The following TTC29 variants were observed in gnomAD, a reference collection of about 807,000 sequenced individuals.
The protein encoded by TTC29 is tetratricopeptide repeat domain 29.
TTC29 carries 49 observed loss-of-function variants against 58.1 expected under a neutral mutation model. That is an observed-to-expected ratio of 0.84 (90% CI 0.67 to 1.07). The LOEUF is 1.07. Among genes scored for constraint, TTC29 ranks in the 50% least tolerant of loss-of-function variants. The pLI, the probability that TTC29 is intolerant of heterozygous loss-of-function variation, is 0.00. For missense variants in TTC29, 582 were observed against 555.6 expected (o/e 1.05, Z -0.48); for synonymous variants, 209 against 196.8 (o/e 1.06, Z -0.52).
intron 8 of TTC29, among the ~76,000 whole-genome samples, chr4:146,846,391 A>G (rs1045050743): frequency 1.3e-5 from 2 of 152,204 alleles, no homozygotes; most frequent in South Asian, 2.1e-4. Context: ...CCACGTTACA[A>G]TAGTCCTGGT....
intron 11 of TTC29, among the ~76,000 whole-genome samples, chr4:146,730,974 G>T (rs1744288500): frequency 6.6e-6 from 1 of 152,128 alleles, no homozygotes; most frequent in African/African-American, 2.4e-5. Flanking sequence ...AAAGACAGGA[G>T]AAACCATAGC....
chr4:146,859,005 G>A (rs1240067726), intron 8 of TTC29, among the ~76,000 whole-genome samples: 1 of 152,066 alleles, frequency 6.6e-6, no homozygotes, highest in Non-Finnish European at 1.5e-5. Flanking sequence ...AATGTCTAAC[G>A]ATCAAAGATT....
At chr4:146,904,542 G>A (rs1579953118) in intron 5 of TTC29, among the ~76,000 whole-genome samples, 1 of 152,100 alleles carries the variant, frequency 6.6e-6, no homozygotes, top group African/African-American at 2.4e-5. Flanking sequence ...ATGTCTGTGT[G>A]TTAATAAGTT....
chr4:146,823,131 G>C (rs1311338959), intron 9 of TTC29, among the ~76,000 whole-genome samples: 3 of 152,048 alleles, frequency 2.0e-5, no homozygotes, highest in African/African-American at 4.8e-5. Flanking sequence ...GTGAATTTTT[G>C]TTTTTGTTGC....
At chr4:146,777,304 A>AGAG (rs1052262830) in intron 11 of TTC29, among the ~76,000 whole-genome samples, 8 of 152,214 alleles carry the variant, frequency 5.3e-5, no homozygotes, top group African/African-American at 1.9e-4. Flanking sequence ...CAAAGCACAA[A>AGAG]GAGTTGTATT....
intron 9 of TTC29, among the ~76,000 whole-genome samples, chr4:146,831,012 T>C (rs974157699): frequency 2.0e-5 from 3 of 152,134 alleles, no homozygotes; most frequent in African/African-American, 7.2e-5. Context: ...TGCACAGATA[T>C]TGAAATAATA....
intron 8 of TTC29, among the ~76,000 whole-genome samples, chr4:146,847,724 G>A (rs983578508): frequency 8.5e-5 from 13 of 152,238 alleles, no homozygotes; most frequent in African/African-American, 2.7e-4. Flanking sequence ...AAAATGCTGA[G>A]TGAGCCACGG....
intron 6 of TTC29, among the ~76,000 whole-genome samples, chr4:146,892,879 G>A (rs1579926321): frequency 6.6e-6 from 1 of 151,986 alleles, no homozygotes. Flanking sequence ...AAGCATTCTT[G>A]TACACCAATA....
chr4:146,860,175 A>G (rs1161399993), intron 8 of TTC29, among the ~76,000 whole-genome samples: 2 of 152,158 alleles, frequency 1.3e-5, no homozygotes, highest in African/African-American at 4.8e-5. Flanking sequence ...GGTAAACTAT[A>G]TACAGAAAGC....
At chr4:146,806,239 A>C (rs924369914) in intron 10 of TTC29, among the ~76,000 whole-genome samples, 1 of 152,224 alleles carries the variant, frequency 6.6e-6, no homozygotes, top group Non-Finnish European at 1.5e-5. Flanking sequence ...AGGAAACACT[A>C]AATATGGAAA....
At chr4:146,793,571 T>C (rs371491540) in intron 11 of TTC29, among the ~76,000 whole-genome samples, 2 of 152,262 alleles carry the variant, frequency 1.3e-5, no homozygotes, top group African/African-American at 4.8e-5. Flanking sequence ...AAATAATTTG[T>C]GTGACTCGCT....
chr4:146,847,719 G>T (rs923448681), intron 8 of TTC29, among the ~76,000 whole-genome samples: 1 of 152,222 alleles, frequency 6.6e-6, no homozygotes, highest in Non-Finnish European at 1.5e-5. Flanking sequence ...TGGAGAAAAT[G>T]CTGAGTGAGC....
At position 146,885,009 on chromosome 4, in the gene TTC29, A is replaced by G. The variant is rs186982980; in HGVS notation, c.587-10081T>C. ...TTGTCAAAATCTATTGACAGCAAACAAAGATGTTATTATCTCATACATGAA... is the reference window on the plus strand; with the variant it reads ...TTGTCAAAATCTATTGACAGCAAACGAAGATGTTATTATCTCATACATGAA... On this transcript the variant is annotated intron_variant, in intron 6 of 12. Transcript: ENST00000325106. Among the ~76,000 whole-genome samples the G allele has an allele frequency of 4.5e-3, 683 of 152,214 alleles. 2 individuals carry two copies. The highest frequency in any genetic ancestry group is 0.015 in the African/African-American group (637 of 41,556).
At chr4:146,731,243 G>T (rs971190017) in intron 11 of TTC29, among the ~76,000 whole-genome samples, 6 of 152,074 alleles carry the variant, frequency 3.9e-5, no homozygotes, top group Admixed American at 3.9e-4. Context: ...GAAATAGGAA[G>T]CAGGGTCATT....
At chr4:146,822,402 C>G (rs1751910395) in intron 9 of TTC29, among the ~76,000 whole-genome samples, 1 of 152,196 alleles carries the variant, frequency 6.6e-6, no homozygotes, top group African/African-American at 2.4e-5. Flanking sequence ...CGTGTCCCCA[C>G]AAAGCACATG....
At chr4:146,916,481 A>G (rs1468757382) in intron 4 of TTC29, among the ~76,000 whole-genome samples, 2 of 151,760 alleles carry the variant, frequency 1.3e-5, no homozygotes, top group Admixed American at 6.6e-5. Context: ...AGTATTGATT[A>G]GCAATGATTA....
intron 11 of TTC29, among the ~76,000 whole-genome samples, chr4:146,777,113 G>C (rs1016511488): frequency 6.6e-6 from 1 of 152,220 alleles, no homozygotes; most frequent in African/African-American, 2.4e-5. Flanking sequence ...GGGACAGGTA[G>C]TTGTGTTCAC....
intron 11 of TTC29, among the ~76,000 whole-genome samples, chr4:146,729,756 G>T (rs923187003): frequency 6.6e-6 from 1 of 151,954 alleles, no homozygotes; most frequent in African/African-American, 2.4e-5. Context: ...CTTATATGGC[G>T]GCAGGCAAGA....
chr4:146,766,580 A>AT (rs1236829123), intron 11 of TTC29, among the ~76,000 whole-genome samples: 2 of 152,070 alleles, frequency 1.3e-5, no homozygotes, highest in South Asian at 2.1e-4. Flanking sequence ...ATGAATTAGT[A>AT]TTTTTTAGAA....
Sources: gnomAD v4.1 joint callset for allele counts (sites outside exome capture counted in the v4.1 genomes callset) on GRCh38, gnomAD v4.1.1 for gene constraint, MANE v1.5 for transcripts, NCBI Gene and HGNC (gene_info 2026-07-23, HGNC 2026-07-21) for gene names.